SCAPER: variants seen among roughly 807,000 people sequenced by gnomAD.
The protein encoded by SCAPER is S phase cyclin A-associated protein in the endoplasmic reticulum.
A neutral mutation model predicts 182.2 loss-of-function variants in SCAPER; 98 were observed. The observed-to-expected ratio is 0.54, with a 90% CI of 0.46 to 0.64. The LOEUF (loss-of-function observed/expected upper bound fraction) is 0.64. SCAPER is among the 30% of genes least tolerant of loss of function. The pLI is 0.00. For missense variants in SCAPER, 1,432 were observed against 1,690.0 expected (o/e 0.85, Z 2.68); for synonymous variants, 605 against 564.6 (o/e 1.07, Z -1.01).
At chr15:76,609,672 T>A (rs190353675) in intron 22 of SCAPER, among the ~76,000 whole-genome samples, 4 of 152,332 alleles carry the variant, frequency 2.6e-5, no homozygotes, top group South Asian at 2.1e-4. Context: ...CTCCTCAAAT[T>A]GCATGTTTTG....
intron 23 of SCAPER, among the ~76,000 whole-genome samples, chr15:76,555,531 T>A (rs1472206249): frequency 1.3e-5 from 2 of 152,054 alleles, no homozygotes; most frequent in Non-Finnish European, 1.5e-5. Flanking sequence ...GAAAAAAAGA[T>A]GGAGAAAAAT....
intron 25 of SCAPER, among the ~76,000 whole-genome samples, chr15:76,446,139 C>A (rs558091565): frequency 6.0e-4 from 91 of 152,270 alleles, no homozygotes; most frequent in Non-Finnish European, 1.1e-3. Flanking sequence ...TATTGTTATT[C>A]CTATATTCAG....
At chr15:76,739,628 ACAGTACACAAT>A (rs2151101200) in intron 15 of SCAPER, among the ~76,000 whole-genome samples, 1 of 152,350 alleles carries the variant, frequency 6.6e-6, no homozygotes, top group Non-Finnish European at 1.5e-5. Flanking sequence ...GGTACTCACA[ACAGTACACAAT>A]CTGAAACTTA....
intron 26 of SCAPER, among the ~76,000 whole-genome samples, chr15:76,415,800 G>A (rs1308935558): frequency 6.6e-6 from 1 of 152,122 alleles, no homozygotes; most frequent in East Asian, 1.9e-4. Flanking sequence ...GGGAAGGGGA[G>A]GGGGAGGCAG....
chr15:76,777,653 C>T (rs1361367607), intron 8 of SCAPER, among the ~76,000 whole-genome samples: 1 of 152,144 alleles, frequency 6.6e-6, no homozygotes, highest in Non-Finnish European at 1.5e-5. Flanking sequence ...GAGATCGCAC[C>T]ATGGCATTCC....
At chr15:76,693,272 T>C (rs1222956018) in intron 20 of SCAPER, among the ~76,000 whole-genome samples, 1 of 152,074 alleles carries the variant, frequency 6.6e-6, no homozygotes, top group Non-Finnish European at 1.5e-5. Context: ...CTGAAAGAAA[T>C]GAATTGCTAA....
intron 17 of SCAPER, among the ~76,000 whole-genome samples, chr15:76,708,572 G>C (rs1393096058): frequency 6.6e-6 from 1 of 151,684 alleles, no homozygotes; most frequent in Non-Finnish European, 1.5e-5. Context: ...AGAAAAGAAG[G>C]CAAAGCTAAT....
At chr15:76,722,430 T>C in intron 17 of SCAPER, among the ~76,000 whole-genome samples, 1 of 152,250 alleles carries the variant, frequency 6.6e-6, no homozygotes, top group Admixed American at 6.5e-5. Context: ...ATCAGGATGA[T>C]GCTGGCCTCA....
chr15:76,553,588 C>G lies in SCAPER; in HGVS notation c.2838+20570G>C, dbSNP rs540532221. The stretch of plus-strand genomic sequence containing the variant: ...GGCACAACCCGATGGAATACTGGGG[C>G]CAGGAGACTAGGGAATACCTAGGCC... On this transcript the variant is annotated intron_variant, in intron 23 of 31. Transcript: ENST00000563290. Among the ~76,000 whole-genome samples the G allele has an allele frequency of 2.8e-4, 42 of 152,238 alleles. 1 individual carries two copies. Among genetic ancestry groups the G allele is most frequent in the African/African-American group, 8.9e-4 (37 of 41,532 alleles).
chr15:76,552,138 C>T (rs953059289), intron 23 of SCAPER, among the ~76,000 whole-genome samples: 2 of 152,002 alleles, frequency 1.3e-5, no homozygotes, highest in African/African-American at 4.8e-5. Flanking sequence ...TAAAAACGAG[C>T]CAAGCATGGT....
chr15:76,772,397 T>A (rs2063522431), intron 9 of SCAPER, among the ~76,000 whole-genome samples: 1 of 152,128 alleles, frequency 6.6e-6, no homozygotes, highest in Non-Finnish European at 1.5e-5. Flanking sequence ...GAAAAAATCC[T>A]GAAACCAATT....
At chr15:76,550,712 T>A (rs2144936615) in intron 23 of SCAPER, among the ~76,000 whole-genome samples, 1 of 152,358 alleles carries the variant, frequency 6.6e-6, no homozygotes, top group East Asian at 1.9e-4. Flanking sequence ...ATATTCCCAG[T>A]AATGGGACTG....
At chr15:76,784,365 A>G (rs1408258130) in intron 8 of SCAPER, among the ~76,000 whole-genome samples, 1 of 152,212 alleles carries the variant, frequency 6.6e-6, no homozygotes, top group Non-Finnish European at 1.5e-5. Flanking sequence ...ACCACAAACC[A>G]CTATTCAACA....
At chr15:76,730,845 C>A (rs530806813) in intron 16 of SCAPER, among the ~76,000 whole-genome samples, 58 of 152,186 alleles carry the variant, frequency 3.8e-4, no homozygotes, top group African/African-American at 1.3e-3. Flanking sequence ...GCCAAGTGTA[C>A]ACTTGTAAAC....
intron 22 of SCAPER, among the ~76,000 whole-genome samples, chr15:76,581,252 T>C (rs1184246891): frequency 6.6e-6 from 1 of 152,148 alleles, no homozygotes; most frequent in East Asian, 1.9e-4. Flanking sequence ...ATCAATCTTA[T>C]CAATCTTACT....
chr15:76,394,188 A>G (rs1567051058), intron 27 of SCAPER, among the ~76,000 whole-genome samples: 2 of 152,198 alleles, frequency 1.3e-5, no homozygotes. Flanking sequence ...GTTGCCAAGG[A>G]GCAAGTAGGC....
At chr15:76,407,978 A>G (rs551833012) in intron 26 of SCAPER, among the ~76,000 whole-genome samples, 6 of 152,210 alleles carry the variant, frequency 3.9e-5, no homozygotes. Flanking sequence ...AATCACTTAA[A>G]AAAAACAAAA....
chr15:76,513,977 G>C (rs1024835655), intron 23 of SCAPER, among the ~76,000 whole-genome samples: 1 of 151,954 alleles, frequency 6.6e-6, no homozygotes, highest in Non-Finnish European at 1.5e-5. Context: ...TCTACTTTAC[G>C]CAAAGTTATT....
intron 23 of SCAPER, among the ~76,000 whole-genome samples, chr15:76,570,921 G>A (rs1218578318): frequency 6.6e-6 from 1 of 152,024 alleles, no homozygotes; most frequent in African/African-American, 2.4e-5. Flanking sequence ...GTTGGACTAT[G>A]GGTATAAATT....
Sources: gnomAD v4.1 joint callset for allele counts (sites outside exome capture counted in the v4.1 genomes callset) on GRCh38, gnomAD v4.1.1 for gene constraint, MANE v1.5 for transcripts, NCBI Gene and HGNC (gene_info 2026-07-23, HGNC 2026-07-21) for gene names.